The following RANBP2 variants were observed in gnomAD, a reference collection of about 807,000 sequenced individuals.
RANBP2 encodes the protein RAN binding protein 2.
In RANBP2, 57 loss-of-function variants were observed where a neutral mutation model predicts 303.6. The ratio of observed to expected loss-of-function variants is 0.19; its 90% CI spans 0.15 to 0.23. The LOEUF is 0.23. Ranked by LOEUF, RANBP2 falls within the 10% of genes least tolerant of loss-of-function variation. The pLI is 1.00. For missense variants in RANBP2, 3,138 were observed against 3,780.8 expected (o/e 0.83, Z 4.46); for synonymous variants, 1,167 against 1,301.5 (o/e 0.90, Z 2.23).
At chr2:109,507,399 A>T in the RANBP2 span, among the ~76,000 whole-genome samples, 3 of 152,200 alleles carry the variant, frequency 2.0e-5, no homozygotes, top group Non-Finnish European at 2.9e-5. Context: ...TTCTCAAAGA[A>T]GATCACATTC....
the RANBP2 span, among the ~76,000 whole-genome samples, chr2:109,112,082 G>A: frequency 5.9e-5 from 9 of 151,430 alleles, no homozygotes; most frequent in African/African-American, 1.2e-4. Context: ...GAATAGTGCC[G>A]CAATAAACAT....
At chr2:109,361,587 C>T in the RANBP2 span, among the ~76,000 whole-genome samples, 2 of 152,132 alleles carry the variant, frequency 1.3e-5, no homozygotes, top group Non-Finnish European at 2.9e-5. Context: ...AATTCTCCTG[C>T]CTCAGCCTCC....
chr2:108,811,247 C>CTCTTTTTTTT, the RANBP2 span, among the ~76,000 whole-genome samples: 18 of 113,884 alleles, frequency 1.6e-4, no homozygotes, highest in South Asian at 8.9e-4. Context: ...TTCTCTCTCT[C>CTCTTTTTTTT]TTTTTTTTTT....
intron 9 of RANBP2, 111 bp downstream of exon 9, chr2:108,749,240 G>A: frequency 3.9e-6 from 6 of 1,555,144 alleles, no homozygotes; most frequent in Non-Finnish European, 5.3e-6. Flanking sequence ...CCTTTTGTGT[G>A]TGGGTTGGGC....
the RANBP2 span, among the ~76,000 whole-genome samples, chr2:109,688,876 TTTCC>T: frequency 0.21 from 30,771 of 147,186 alleles, 4,025 homozygotes; most frequent in Admixed American, 0.28. Context: ...CTACATTTAT[TTTCC>T]TTCCTTCCTT....
chr2:109,023,012 C>T, the RANBP2 span, among the ~76,000 whole-genome samples: 1 of 152,064 alleles, frequency 6.6e-6, no homozygotes, highest in Admixed American at 6.5e-5. Context: ...GATCATGCCA[C>T]TGCACTCCAG....
the RANBP2 span, among the ~76,000 whole-genome samples, chr2:109,512,549 G>C: frequency 2.6e-5 from 4 of 152,106 alleles, no homozygotes; most frequent in Admixed American, 2.0e-4. Flanking sequence ...TACTGCATCT[G>C]CCTCCTGGTC....
chr2:109,207,684 A>G, the RANBP2 span, among the ~76,000 whole-genome samples: 2 of 152,110 alleles, frequency 1.3e-5, no homozygotes, highest in East Asian at 1.9e-4. Context: ...TTGGAAAGCT[A>G]TTTTCACATG....
At chr2:109,498,971 G>A in the RANBP2 span, among the ~76,000 whole-genome samples, 6 of 152,292 alleles carry the variant, frequency 3.9e-5, no homozygotes, top group Admixed American at 1.3e-4. Flanking sequence ...TGGGAAGGGC[G>A]CAGTGTGGAG....
chr2:109,004,037 C>A, the RANBP2 span, among the ~76,000 whole-genome samples: 1 of 152,150 alleles, frequency 6.6e-6, no homozygotes, highest in Admixed American at 6.6e-5. Flanking sequence ...ACTTTAAGGA[C>A]AAAGAGTGAA....
intron 23 of RANBP2, among the ~76,000 whole-genome samples, chr2:108,775,024 G>C (rs1401178253): frequency 6.6e-6 from 1 of 152,036 alleles, no homozygotes; most frequent in Non-Finnish European, 1.5e-5. Flanking sequence ...CTTAAATTAT[G>C]AATTTAAGAT....
chr2:108,868,042 G>C, the RANBP2 span, among the ~76,000 whole-genome samples: 4 of 152,258 alleles, frequency 2.6e-5, no homozygotes, highest in African/African-American at 9.6e-5. Flanking sequence ...GTCAGTTATC[G>C]ACAGGCTGAT....
At chr2:109,504,576 T>A in the RANBP2 span, 1 of 152,282 alleles carries the variant, frequency 6.6e-6, no homozygotes, top group Non-Finnish European at 1.5e-5. Flanking sequence ...GACTTGTCAG[T>A]GATGACAAAC....
the RANBP2 span, among the ~76,000 whole-genome samples, chr2:108,982,740 T>C: frequency 2.0e-5 from 3 of 152,208 alleles, no homozygotes; most frequent in East Asian, 1.9e-4. Context: ...GTTTTTAGAA[T>C]TGACTCAAAA....
chr2:109,279,059 A>C, the RANBP2 span, among the ~76,000 whole-genome samples: 2 of 152,182 alleles, frequency 1.3e-5, no homozygotes, highest in Non-Finnish European at 2.9e-5. Flanking sequence ...GGGAGCATGA[A>C]AGTAAGAGGA....
chr2:109,174,257 AAAC>A, the RANBP2 span, among the ~76,000 whole-genome samples: 1 of 152,246 alleles, frequency 6.6e-6, no homozygotes, highest in Non-Finnish European at 1.5e-5. Flanking sequence ...TATGACTGGG[AAAC>A]ACAGGCAGAG....
At chr2:109,490,886 G>A in the RANBP2 span, 69 of 1,526,952 alleles carry the variant, frequency 4.5e-5, no homozygotes, top group African/African-American at 5.9e-4. Context: ...GGCAAGCTCC[G>A]CTGTCCATGG....
chr2:109,178,056 A>G, the RANBP2 span, among the ~76,000 whole-genome samples: 1 of 152,212 alleles, frequency 6.6e-6, no homozygotes, highest in East Asian at 1.9e-4. Flanking sequence ...TTGCTAAGGT[A>G]TAAGCAAACA....
At chr2:109,529,852 C>T in the RANBP2 span, among the ~76,000 whole-genome samples, 2 of 152,210 alleles carry the variant, frequency 1.3e-5, no homozygotes, top group African/African-American at 4.8e-5. Flanking sequence ...GCTGAGCCTT[C>T]TTGCCCCTTG....
Sources: allele counts gnomAD v4.1 joint callset (sites outside exome capture counted in the v4.1 genomes callset), GRCh38; gene constraint gnomAD v4.1.1; transcripts MANE v1.5; gene names NCBI Gene and HGNC (gene_info 2026-07-23, HGNC 2026-07-21).